Variants in RAP1A observed in about 807,000 individuals in gnomAD.
RAP1A encodes the protein RAP1A, member of RAS oncogene family, also known as ras-related protein Rap-1A.
In RAP1A, 6 loss-of-function variants were observed where a neutral mutation model predicts 26.4. The ratio of observed to expected loss-of-function variants is 0.23; its 90% CI spans 0.12 to 0.45. The LOEUF is 0.45. RAP1A is among the 20% of genes least tolerant of loss of function. The pLI is 0.99. For synonymous variants in RAP1A, 73 were observed against 79.4 expected (o/e 0.92, Z 0.43); for missense variants, 121 against 217.2 (o/e 0.56, Z 2.78).
intron 1 of RAP1A, among the ~76,000 whole-genome samples, chr1:111,634,924 T>C (rs1353615811): frequency 6.6e-6 from 1 of 152,186 alleles, no homozygotes. Context: ...GTTACAGGCA[T>C]GAGCCACCAC....
At chr1:111,686,707 A>AAG in intron 1 of RAP1A, 1 of 150,810 alleles carries the variant, frequency 6.6e-6, no homozygotes, top group Non-Finnish European at 1.5e-5. Flanking sequence ...AAAAAAAAAA[A>AAG]AAAAAAGTTA....
intron 1 of RAP1A, among the ~76,000 whole-genome samples, chr1:111,574,364 G>A (rs1658107424): frequency 6.6e-6 from 1 of 152,176 alleles, no homozygotes; most frequent in Admixed American, 6.5e-5. Context: ...CTCTAGCTCT[G>A]CAGCATAGCT....
At chr1:111,694,755 C>T (rs1267909578) in intron 2 of RAP1A, among the ~76,000 whole-genome samples, 1 of 152,188 alleles carries the variant, frequency 6.6e-6, no homozygotes, top group Non-Finnish European at 1.5e-5. Context: ...ATGTCTGGAA[C>T]ATAATAGACA....
chr1:111,542,381 T>C (rs1362735987), exon 1 of RAP1A: 10 of 233,086 alleles, frequency 4.3e-5, no homozygotes, highest in Non-Finnish European at 9.1e-6. Context: ...TGAGAGGTGG[T>C]AGAGCAGGAA....
At chr1:111,654,578 A>G (rs779218331) in intron 1 of RAP1A, among the ~76,000 whole-genome samples, 1 of 152,196 alleles carries the variant, frequency 6.6e-6, no homozygotes, top group Non-Finnish European at 1.5e-5. Context: ...GGTGATTATA[A>G]TAATATTATA....
intron 1 of RAP1A, among the ~76,000 whole-genome samples, chr1:111,652,512 T>C (rs1378815353): frequency 6.6e-6 from 1 of 152,028 alleles, no homozygotes; most frequent in African/African-American, 2.4e-5. Flanking sequence ...AAGAATAATA[T>C]GTGACATAGG....
chr1:111,691,435 C>T lies in RAP1A; in HGVS notation c.57+18C>T. The T allele has an allele frequency of 6.3e-7, 1 of 1,592,456 alleles. No homozygotes were observed. Among genetic ancestry groups the T allele is most frequent in the Non-Finnish European group, 8.6e-7 (1 of 1,160,502 alleles). On this transcript the variant is annotated intron_variant, in intron 2 of 7. Coordinates refer to ENST00000369709, the MANE Select transcript of RAP1A (RefSeq NM_002884.4). The stretch of plus-strand genomic sequence containing the variant: ...CTGCTCTGGTAAGTTAGCCACCTAA[C>T]TGTAACTGATTAATATAATACAAGA...
At chr1:111,657,015 C>A (rs569358717) in intron 1 of RAP1A, among the ~76,000 whole-genome samples, 1 of 151,996 alleles carries the variant, frequency 6.6e-6, no homozygotes, top group African/African-American at 2.4e-5. Context: ...CCCTTCTCCG[C>A]CCCCAACAAC....
chr1:111,573,279 G>A (rs1453014662), intron 1 of RAP1A, among the ~76,000 whole-genome samples: 1 of 152,168 alleles, frequency 6.6e-6, no homozygotes, highest in Non-Finnish European at 1.5e-5. Context: ...TGGGACAAAT[G>A]GTAGCTGTTT....
intron 1 of RAP1A, among the ~76,000 whole-genome samples, chr1:111,577,726 A>C (rs1658174798): frequency 6.6e-6 from 1 of 152,226 alleles, no homozygotes; most frequent in South Asian, 2.1e-4. Context: ...ATAATGGATT[A>C]AATGAGACAT....
rs188183819 is a variant in RAP1A at position 111,630,571 on chromosome 1, A to G, written c.-28+10637A>G. On this transcript the variant is annotated intron_variant, in intron 1 of 7. Transcript: ENST00000369709. ...CCATGAAGAAACTATAGCAAGATGAAATGATAGAGAATGATGAAAGGGTTT... is the reference window on the plus strand; with the variant it reads ...CCATGAAGAAACTATAGCAAGATGAGATGATAGAGAATGATGAAAGGGTTT... Among the ~76,000 whole-genome samples, 11 of 152,340 alleles carry G rather than the reference A, an allele frequency of 7.2e-5. No individual in the cohort carries two copies. The East Asian group carries it at 2.1e-3, about 29-fold the overall frequency.
chr1:111,691,391 T>C lies in RAP1A; in HGVS notation c.31T>C (p.Ser11Pro). 6.2e-7 allele frequency: 1 copy of C among 1,613,674 alleles called. No homozygotes were observed. Among genetic ancestry groups the C allele is most frequent in the Non-Finnish European group, 8.5e-7 (1 of 1,179,600 alleles). ...TGAGTACAAGCTAGTGGTCCTTGGTTCAGGAGGCGTTGGGAAGTCTGCTCT... is the reference window on the plus strand; with the variant it reads ...TGAGTACAAGCTAGTGGTCCTTGGTCCAGGAGGCGTTGGGAAGTCTGCTCT... The part of the protein sequence containing the change: MREYKLVVLG[S>P]GGVGKSALTV... Residue 11 changes from serine to proline, a missense_variant, in exon 2 of 8, where the codon TCA (serine) becomes CCA (proline). Physicochemically the swap from Ser to Pro is moderately conservative, Grantham distance 74. Transcript: ENST00000369709.
intron 6 of RAP1A, among the ~76,000 whole-genome samples, chr1:111,706,067 A>T (rs913961503): frequency 6.6e-6 from 1 of 152,206 alleles, no homozygotes; most frequent in Non-Finnish European, 1.5e-5. Flanking sequence ...ATACTTTTTC[A>T]TAGCAGTCTT....
chr1:111,543,426 C>T (rs570576705), intron 1 of RAP1A, among the ~76,000 whole-genome samples: 1 of 152,316 alleles, frequency 6.6e-6, no homozygotes, highest in African/African-American at 2.4e-5. Flanking sequence ...CTATTCGCCA[C>T]TCAGCAACCA....
intron 1 of RAP1A, among the ~76,000 whole-genome samples, chr1:111,565,185 C>A (rs1411364886): frequency 6.6e-6 from 1 of 152,060 alleles, no homozygotes; most frequent in Non-Finnish European, 1.5e-5. Flanking sequence ...GGAAGGAGGC[C>A]AGTGTGGCTG....
At chr1:111,558,651 G>T (rs774499531) in intron 1 of RAP1A, among the ~76,000 whole-genome samples, 1 of 147,008 alleles carries the variant, frequency 6.8e-6, no homozygotes, top group African/African-American at 2.7e-5. Context: ...CAAAAATTTT[G>T]CTAAAATAAA....
At chr1:111,688,223 T>C (rs1434095513) in intron 1 of RAP1A, among the ~76,000 whole-genome samples, 3 of 151,064 alleles carry the variant, frequency 2.0e-5, no homozygotes, top group African/African-American at 7.3e-5. Flanking sequence ...CTTTGTTTTA[T>C]AGATGTTCTA....
chr1:111,668,106 A>G (rs572241108), intron 1 of RAP1A, among the ~76,000 whole-genome samples: 5 of 152,310 alleles, frequency 3.3e-5, no homozygotes, highest in Middle Eastern at 3.4e-3. Flanking sequence ...TTGACATTTT[A>G]TAGTTGCAAC....
chr1:111,707,334 G>T (rs1002185323), intron 6 of RAP1A, among the ~76,000 whole-genome samples: 6 of 152,056 alleles, frequency 3.9e-5, no homozygotes, highest in African/African-American at 1.4e-4. Flanking sequence ...TAAAATACAT[G>T]TAGACCGATA....
Sources: allele counts gnomAD v4.1 joint callset (sites outside exome capture counted in the v4.1 genomes callset), GRCh38; gene constraint gnomAD v4.1.1; transcripts MANE v1.5; gene names NCBI Gene and HGNC (gene_info 2026-07-23, HGNC 2026-07-21).